Variants in ZNF544 observed in about 807,000 individuals in gnomAD.
ZNF544 encodes zinc finger protein AF020591.
In ZNF544, 10 loss-of-function variants were observed where a neutral mutation model predicts 13.5. That is an observed-to-expected ratio of 0.74 (90% CI 0.46 to 1.25). The LOEUF is 1.25. ZNF544 is among the 50% of genes most tolerant of loss of function. The probability of loss-of-function intolerance (pLI) is 0.00; values close to 1 mark genes in which losing one functional copy is unlikely to be tolerated. For synonymous variants in ZNF544, 323 were observed against 300.5 expected (o/e 1.07, Z -0.77); for missense variants, 896 against 845.6 (o/e 1.06, Z -0.74).
downstream of ZNF544, among the ~76,000 whole-genome samples, chr19:58,266,235 A>AG (rs1414883381): frequency 6.8e-6 from 1 of 147,194 alleles, no homozygotes; most frequent in Admixed American, 6.8e-5. Context: ...AAAAAAAAAA[A>AG]GGGCTGTGTG....
chr19:58,233,220 TC>T (rs2041722447), intron 3 of ZNF544, among the ~76,000 whole-genome samples: 1 of 152,122 alleles, frequency 6.6e-6, no homozygotes, highest in Middle Eastern at 3.4e-3. Flanking sequence ...ACTGAGTCCC[TC>T]CCACAACATG....
chr19:58,246,554 G>C (rs995659073), intron 5 of ZNF544, 127 bp downstream of exon 5: 4 of 1,491,688 alleles, frequency 2.7e-6, no homozygotes. Flanking sequence ...CAGTTCCCAG[G>C]GGTTGCCCTT....
At chr19:58,270,865 G>C (rs775864389) in intron 5 of ZNF544, among the ~76,000 whole-genome samples, 8 of 152,106 alleles carry the variant, frequency 5.3e-5, no homozygotes, top group Non-Finnish European at 1.0e-4. Flanking sequence ...GAGAGGAATT[G>C]GCAGCGGATG....
intron 3 of ZNF544, among the ~76,000 whole-genome samples, chr19:58,235,944 C>A (rs2042284789): frequency 6.6e-6 from 1 of 151,722 alleles, no homozygotes; most frequent in African/African-American, 2.4e-5. Context: ...CCTGTAATCC[C>A]AGCTACTCGG....
chr19:58,236,752 T>TC (rs1464216596), intron 3 of ZNF544, among the ~76,000 whole-genome samples: 1 of 151,646 alleles, frequency 6.6e-6, no homozygotes, highest in Non-Finnish European at 1.5e-5. Flanking sequence ...AACTTTTTTT[T>TC]TTTTTTTAAG....
chr19:58,255,745 G>T (rs981271961), intron 6 of ZNF544, among the ~76,000 whole-genome samples: 2 of 152,200 alleles, frequency 1.3e-5, no homozygotes, highest in Non-Finnish European at 2.9e-5. Flanking sequence ...GCGTGAGTTC[G>T]CCCTGGATGA....
At chr19:58,250,354 G>A (rs1237339658) in intron 6 of ZNF544, among the ~76,000 whole-genome samples, 1 of 152,188 alleles carries the variant, frequency 6.6e-6, no homozygotes, top group East Asian at 1.9e-4. Flanking sequence ...TCGTACTGGG[G>A]AACCAAAAGA....
Position 58,261,638 on chromosome 19 carries a change from T to C in ZNF544, c.1032T>C (p.Cys344=). 6.2e-7 allele frequency: 1 copy of C among 1,614,246 alleles called. No homozygotes were observed. Among genetic ancestry groups the C allele is most frequent in the South Asian group, 1.1e-5 (1 of 91,090 alleles). The change falls in exon 7 of 7, where the codon TGT becomes TGC. Residue 344 remains cysteine (C), a synonymous_variant. Transcript: ENST00000687789. The part of the protein sequence containing the change: ...AFPMASSFSD[C]NIIQTTEKPS... ...CCATGGCCTCATCTTTTTCTGACTG[T>C]AACATCATTCAGACTACAGAGAAGC...
Position 58,249,607 on chromosome 19 carries a change from T to C in ZNF544, c.244+2813T>C, listed in dbSNP as rs979584599. Among the ~76,000 whole-genome samples the C allele has an allele frequency of 2.4e-4, 36 of 152,304 alleles. No individual in the cohort carries two copies. In the East Asian group the frequency reaches 6.8e-3, roughly 29 times the overall value. On this transcript the variant is annotated intron_variant, in intron 6 of 6. Coordinates refer to ENST00000687789, the MANE Select transcript of ZNF544 (RefSeq NM_014480.4). ...AGGAGCCCCATGACTCAGATAGCTG[T>C]TGTTGTATTTTAGAGGCCCAGTTGG... is the stretch of plus-strand genomic sequence containing the variant.
intron 6 of ZNF544, chr19:58,259,869 T>G (rs2048510900): frequency 6.6e-6 from 1 of 152,100 alleles, no homozygotes; most frequent in South Asian, 2.1e-4. Flanking sequence ...GCCAAGATAA[T>G]GCCACTTCAC....
At chr19:58,245,790 G>C (rs902961174) in intron 4 of ZNF544, 2 of 171,672 alleles carry the variant, frequency 1.2e-5, no homozygotes, top group Non-Finnish European at 2.6e-5. Context: ...TTTGTAGAGA[G>C]GAAGTGGGTG....
intron 3 of ZNF544, chr19:58,242,181 T>C (rs1469608666): frequency 2.4e-5 from 23 of 951,896 alleles, no homozygotes; most frequent in Non-Finnish European, 8.8e-6. Context: ...CAGCTGCGAG[T>C]GTTGAGGCTG....
At chr19:58,266,212 CAA>C (rs760851818), downstream of ZNF544, among the ~76,000 whole-genome samples, 17 of 46,204 alleles carry the variant, frequency 3.7e-4, no homozygotes, top group East Asian at 8.4e-4. Flanking sequence ...GACTCTGTCT[CAA>C]AAAAAAAAAA....
At chr19:58,231,768 G>A (rs1053700502) in intron 3 of ZNF544, 2 of 151,968 alleles carry the variant, frequency 1.3e-5, no homozygotes, top group East Asian at 1.9e-4. Flanking sequence ...TCTCTTTTTC[G>A]TAGGTCTCTA....
chr19:58,234,191 G>A (rs2041930283), intron 3 of ZNF544, among the ~76,000 whole-genome samples: 1 of 152,132 alleles, frequency 6.6e-6, no homozygotes, highest in South Asian at 2.1e-4. Context: ...ACTTGTATGG[G>A]ACTTTCTCTA....
At chr19:58,239,469 G>A (rs2043106537) in intron 3 of ZNF544, among the ~76,000 whole-genome samples, 1 of 152,094 alleles carries the variant, frequency 6.6e-6, no homozygotes, top group South Asian at 2.1e-4. Flanking sequence ...ATTCCTGAAG[G>A]CCTGTTTCTT....
At chr19:58,260,776 T>C in intron 6 of ZNF544, 75 bp from the exon 7 acceptor site, 1 of 1,332,844 alleles carries the variant, frequency 7.5e-7, no homozygotes, top group Non-Finnish European at 1.0e-6. Flanking sequence ...ATTAAACAGT[T>C]GTCTCCTTCA....
At chr19:58,236,502 C>CA (rs35110851) in intron 3 of ZNF544, among the ~76,000 whole-genome samples, 2,968 of 106,872 alleles carry the variant, frequency 0.028, 41 homozygotes, top group Non-Finnish European at 0.038. Context: ...AACTGTGTCT[C>CA]AAAAAAAAAA....
intron 3 of ZNF544, among the ~76,000 whole-genome samples, chr19:58,234,621 G>A (rs1443836269): frequency 6.6e-6 from 1 of 152,214 alleles, no homozygotes; most frequent in Non-Finnish European, 1.5e-5. Context: ...CCTGCGTGCA[G>A]CATTCTGCGA....
Sources: gnomAD v4.1 joint callset for allele counts (sites outside exome capture counted in the v4.1 genomes callset) on GRCh38, gnomAD v4.1.1 for gene constraint, MANE v1.5 for transcripts, NCBI Gene and HGNC (gene_info 2026-07-23, HGNC 2026-07-21) for gene names.